The following FAM217B variants were observed in gnomAD, a reference collection of about 807,000 sequenced individuals.
FAM217B encodes the protein protein FAM217B.
For synonymous variants in FAM217B, 163 were observed against 173.0 expected (o/e 0.94, Z 0.45); for missense variants, 463 against 456.9 (o/e 1.01, Z -0.12).
At chr20:59,939,316 C>G, upstream of FAM217B, 4 of 1,612,054 alleles carry the variant, frequency 2.5e-6, no homozygotes, top group Non-Finnish European at 3.4e-6. Flanking sequence ...GTGTAGCGCA[C>G]AGCCACCTGC....
At chr20:59,942,665 T>G (rs2060911972) in intron 3 of FAM217B, among the ~76,000 whole-genome samples, 153 bp downstream of exon 3, 1 of 152,206 alleles carries the variant, frequency 6.6e-6, no homozygotes, top group African/African-American at 2.4e-5. Context: ...GAAAAGTGGT[T>G]TAAGCATAAT....
At chr20:59,942,944 G>C (rs1015743221) in intron 3 of FAM217B, among the ~76,000 whole-genome samples, 14 of 152,108 alleles carry the variant, frequency 9.2e-5, no homozygotes, top group African/African-American at 3.1e-4. Context: ...TTAATGTCCT[G>C]CATATTTATT....
chr20:59,943,758 T>C (rs2060918393), intron 3 of FAM217B, among the ~76,000 whole-genome samples, 182 bp from the exon 4 acceptor site: 1 of 152,226 alleles, frequency 6.6e-6, no homozygotes, highest in South Asian at 2.1e-4. Flanking sequence ...TAGAGTATTA[T>C]ATGGGAAAAT....
chr20:59,944,713 T>A lies in FAM217B; in HGVS notation c.770T>A (p.Ile257Asn). The change falls in exon 4 of 4, where the codon ATC (isoleucine) becomes AAC (asparagine). Residue 257 changes from isoleucine to asparagine, a missense_variant. Physicochemically the swap from Ile to Asn is moderately radical, Grantham distance 149. Transcript: ENST00000360816. Reference protein sequence around the residue: ...SRKKAFHHEEIHPSHYAFETS... With the variant: ...SRKKAFHHEENHPSHYAFETS... ...AAGAAAGCTTTTCACCATGAAGAAA[T>A]CCACCCATCACATTATGCATTTGAG... 6.2e-7 allele frequency: 1 copy of A among 1,614,082 alleles called. No individual in the cohort carries two copies. The highest frequency in any genetic ancestry group is 8.5e-7 in the Non-Finnish European group (1 of 1,180,006).
In FAM217B at chr20:59,944,582, G is replaced by A. The variant is rs768352064; in HGVS notation, c.639G>A (p.Gly213=). The A allele has an allele frequency of 1.2e-6, 2 of 1,614,012 alleles. No homozygotes were observed. Among genetic ancestry groups the A allele is most frequent in the South Asian group, 2.2e-5 (2 of 91,082 alleles). ...AAGCAAGGCCCCCCACTGCCCCTGG[G>A]ACCTCAGGGGCACTGAAAAGCCCTG... The part of the protein sequence containing the change: ...GGKARPPTAP[G]TSGALKSPGR... Residue 213 remains glycine, a synonymous_variant, in exon 4 of 4, where the codon GGG becomes GGA. Transcript: ENST00000360816.
rs968299509 is a variant in FAM217B, at chr20:59,948,176, A to G, written c.*3081A>G. The G allele has an allele frequency of 6.0e-6, 1 of 167,004 alleles. No homozygotes were observed. Among genetic ancestry groups the G allele is most frequent in the African/African-American group, 2.4e-5 (1 of 41,460 alleles). 10.3% of individuals were successfully genotyped at this position (167,004 alleles called of 1,614,324 possible). A position where few individuals can be genotyped will look rare whatever the true frequency, so the allele number is the denominator to read the frequency against. Reference sequence around the variant, plus strand: ...GTATTTGCTGTGATTACTTAGGTTTAGACTTTCTCAACTTCTTAGATGACT... The same window carrying G: ...GTATTTGCTGTGATTACTTAGGTTTGGACTTTCTCAACTTCTTAGATGACT... On this transcript the variant is annotated 3_prime_UTR_variant, in exon 4 of 4. Coordinates refer to ENST00000360816, the MANE Select transcript of FAM217B (RefSeq NM_022106.3).
chr20:59,944,295 C>T lies in FAM217B; in HGVS notation c.352C>T (p.Arg118Ter), dbSNP rs957381323. 1.2e-5 allele frequency: 20 copies of T among 1,614,004 alleles called. No individual in the cohort carries two copies. The highest frequency in any genetic ancestry group is 2.2e-5 in the East Asian group (1 of 44,900). ...CCTCACACCTCCAGATCTCAATCTT[C>T]GAGCTGAAGAAATTGATCCAGTTTA... ...SPLTPPDLNL[R>*]AEEIDPVYFD... is the part of the protein sequence containing the mutation. Residue 118 changes from arginine (R) to a stop codon, truncating the protein, a stop_gained, in exon 4 of 4, where the codon CGA (arginine) becomes TGA (stop). Coordinates refer to ENST00000360816, the MANE Select transcript of FAM217B (RefSeq NM_022106.3). LOFTEE classifies it low-confidence loss of function (END_TRUNC).
chr20:59,945,004 G>A lies in FAM217B; in HGVS notation c.1061G>A (p.Gly354Glu). 1 of 1,614,130 alleles carries A rather than the reference G, an allele frequency of 6.2e-7. No homozygotes were observed. Among genetic ancestry groups the A allele is most frequent in the Non-Finnish European group, 8.5e-7 (1 of 1,180,028 alleles). ...TQAHAHPRKK[G>E]KAESCGHATV... is the part of the protein sequence containing the mutation. ...GCACATGCACATCCTAGGAAAAAGG[G>A]AAAGGCAGAGAGCTGTGGTCATGCC... Residue 354 changes from glycine (G) to glutamate (E), a missense_variant, in exon 4 of 4, where the codon GGA becomes GAA. Physicochemically the swap from Gly to Glu is moderately conservative, Grantham distance 98. Coordinates refer to ENST00000360816, the MANE Select transcript of FAM217B (RefSeq NM_022106.3).
chr20:59,939,891 A>G (rs911578650), upstream of FAM217B: 3 of 1,253,680 alleles, frequency 2.4e-6, no homozygotes, highest in Non-Finnish European at 3.0e-6. Flanking sequence ...CCGGGATCCC[A>G]GGGCGCTAGG....
rs1043311080 is a variant in FAM217B, at chr20:59,942,247, C to T, written c.-153C>T. 2 of 152,582 alleles carry T rather than the reference C, an allele frequency of 1.3e-5. No individual in the cohort carries two copies. The highest frequency in any genetic ancestry group is 4.8e-5 in the African/African-American group (2 of 41,418). The allele number at this position is 152,582 out of a possible 1,614,324, so 9.5% of individuals were successfully genotyped here. ...AAATATAAGAGGAATAAAGAAGTCA[C>T]CTCCCCAGCTGTCATCATCTTCCAG... On this transcript the variant is annotated 5_prime_UTR_variant, in exon 2 of 4. Coordinates refer to ENST00000360816, the MANE Select transcript of FAM217B (RefSeq NM_022106.3).
Position 59,945,409 on chromosome 20 carries a change from C to T in FAM217B, c.*314C>T, listed in dbSNP as rs2060931655. ...GAAAGTGTCAGTGAAACCTCAGCTA[C>T]AGTAGCCGGTCTGTGTAGAGCAGCT... On this transcript the variant is annotated 3_prime_UTR_variant, in exon 4 of 4. Coordinates refer to ENST00000360816, the MANE Select transcript of FAM217B (RefSeq NM_022106.3). 1 of 276,906 alleles carries T rather than the reference C, an allele frequency of 3.6e-6. No individual in the cohort carries two copies. Among genetic ancestry groups the T allele is most frequent in the Non-Finnish European group, 7.3e-6 (1 of 136,118 alleles). The allele number at this position is 276,906 out of a possible 1,614,324, so 17.2% of individuals were successfully genotyped here. A position where few individuals can be genotyped will look rare whatever the true frequency, so the allele number is the denominator to read the frequency against.
rs1239778003 is a variant in FAM217B at position 59,944,324 on chromosome 20, T to C, written c.381T>C (p.Phe127=). 1 of 1,614,126 alleles carries C rather than the reference T, an allele frequency of 6.2e-7. No individual in the cohort carries two copies. The highest frequency in any genetic ancestry group is 8.5e-7 in the Non-Finnish European group (1 of 1,180,010). ...LRAEEIDPVY[F]DLHPGQGHTK... ...CTGAAGAAATTGATCCAGTTTACTT[T>C]GATCTTCACCCTGGTCAGGGCCATA... is the stretch of plus-strand genomic sequence containing the variant. Residue 127 remains phenylalanine (F), a synonymous_variant, in exon 4 of 4, where the codon TTT becomes TTC. Transcript: ENST00000360816.
upstream of FAM217B, chr20:59,937,925 A>G (rs1446723545): frequency 6.6e-6 from 1 of 152,296 alleles, no homozygotes; most frequent in Non-Finnish European, 1.5e-5. Flanking sequence ...ATAAAACATG[A>G]TGTATGTAAA....
chr20:59,945,032 T>C lies in FAM217B; in HGVS notation c.1089T>C (p.Thr363=), dbSNP rs2060929394. Residue 363 remains threonine (T), a synonymous_variant, in exon 4 of 4, where the codon ACT becomes ACC. Transcript: ENST00000360816. The stretch of plus-strand genomic sequence containing the variant: ...AGGCAGAGAGCTGTGGTCATGCCAC[T>C]GTATCGAGTGAGAAAAAACTGAAAA... ...KGKAESCGHA[T]VSSEKKLKTN... is the part of the protein sequence containing the mutation. The C allele has an allele frequency of 1.2e-6, 2 of 1,606,642 alleles. No homozygotes were observed. Among genetic ancestry groups the C allele is most frequent in the Non-Finnish European group, 1.7e-6 (2 of 1,178,120 alleles).
In FAM217B at chr20:59,945,850, A is replaced by G. The variant is rs1353715614; in HGVS notation, c.*755A>G. 1 of 167,054 alleles carries G rather than the reference A, an allele frequency of 6.0e-6. No homozygotes were observed. Among genetic ancestry groups the G allele is most frequent in the Non-Finnish European group, 1.5e-5 (1 of 68,126 alleles). 10.3% of individuals were successfully genotyped at this position (167,054 alleles called of 1,614,324 possible). A position where few individuals can be genotyped will look rare whatever the true frequency, so the allele number is the denominator to read the frequency against. On this transcript the variant is annotated 3_prime_UTR_variant, in exon 4 of 4. Coordinates refer to ENST00000360816, the MANE Select transcript of FAM217B (RefSeq NM_022106.3). ...AGAATTTTCCAAAGTCAATGGGCTT[A>G]GCATGATTACTGCTGTTTGGTGGGG... is the stretch of plus-strand genomic sequence containing the variant.
In FAM217B at chr20:59,944,456, G is replaced by T. The variant is rs1362288109; in HGVS notation, c.513G>T (p.Val171=). 3 of 1,613,920 alleles carry T rather than the reference G, an allele frequency of 1.9e-6. No individual in the cohort carries two copies. The highest frequency in any genetic ancestry group is 1.6e-4 in the Middle Eastern group (1 of 6,062). The change falls in exon 4 of 4, where the codon GTG becomes GTT. Residue 171 remains valine, a synonymous_variant. Transcript: ENST00000360816. ...LLNAENKTEA[V]PRVGGLLGKY... is the part of the protein sequence containing the mutation. ...ACGCAGAGAACAAAACGGAAGCCGT[G>T]CCCCGAGTGGGAGGACTTCTTGGGA...
chr20:59,948,490 C>T lies in FAM217B; in HGVS notation c.*3395C>T, dbSNP rs189121152. ...ACTGTATTTTAAGGTAATTCAGAAG[C>T]AGTATGTATTATTTATGTACATGTA... On this transcript the variant is annotated 3_prime_UTR_variant, in exon 4 of 4. Coordinates refer to ENST00000360816, the MANE Select transcript of FAM217B (RefSeq NM_022106.3). The T allele has an allele frequency of 6.0e-6, 1 of 166,904 alleles. No homozygotes were observed. The highest frequency in any genetic ancestry group is 6.5e-5 in the Admixed American group (1 of 15,284). The allele number at this position is 166,904 out of a possible 1,614,324, so 10.3% of individuals were successfully genotyped here.
At chr20:59,939,735 G>C (rs2060887766), upstream of FAM217B, 7 of 1,247,752 alleles carry the variant, frequency 5.6e-6, no homozygotes, top group Non-Finnish European at 6.0e-6. Context: ...CAGGATGATG[G>C]GCCGCAGGCG....
In FAM217B at chr20:59,944,705, T is replaced by C. The variant is rs1171019679; in HGVS notation, c.762T>C (p.His254=). 1 of 1,613,996 alleles carries C rather than the reference T, an allele frequency of 6.2e-7. No individual in the cohort carries two copies. The highest frequency in any genetic ancestry group is 1.7e-5 in the Admixed American group (1 of 60,004). ...SGPSRKKAFH[H]EEIHPSHYAF... is the part of the protein sequence containing the mutation. ...CTTCCCGAAAGAAAGCTTTTCACCA[T>C]GAAGAAATCCACCCATCACATTATG... Residue 254 remains histidine (H), a synonymous_variant, in exon 4 of 4, where the codon CAT becomes CAC. Transcript: ENST00000360816.
Sources: gnomAD v4.1 joint callset for allele counts (sites outside exome capture counted in the v4.1 genomes callset) on GRCh38, gnomAD v4.1.1 for gene constraint, MANE v1.5 for transcripts, NCBI Gene and HGNC (gene_info 2026-07-23, HGNC 2026-07-21) for gene names.